UBE2R2: variants seen among roughly 807,000 people sequenced by gnomAD.
The protein encoded by UBE2R2 is ubiquitin conjugating enzyme E2 R2.
Under a neutral mutation model 27.8 loss-of-function variants are expected in UBE2R2, and 1 was observed. The ratio of observed to expected loss-of-function variants is 0.04; its 90% confidence interval spans 0.01 to 0.17. The LOEUF (loss-of-function observed/expected upper bound fraction) is 0.17, where lower values mean the gene tolerates loss of function less well. Among genes scored for constraint, UBE2R2 ranks in the 10% least tolerant of loss-of-function variants. UBE2R2 has a pLI of 1.00. For synonymous variants in UBE2R2, 106 were observed against 113.3 expected, an observed-to-expected ratio of 0.94 and a Z score of 0.41; for missense variants, 100 against 291.0, an observed-to-expected ratio of 0.34 and a Z score of 4.78.
rs1391737688 is a variant in UBE2R2 at position 33,919,237 on chromosome 9, A to C, written c.*2000A>C. 1 of 152,214 alleles carries C rather than the reference A, an allele frequency of 6.6e-6. No individual in the cohort carries two copies. The highest frequency in any genetic ancestry group is 1.5e-5 in the Non-Finnish European group (1 of 68,040). The allele number at this position is 152,214 out of a possible 1,614,324, so 9.4% of individuals were successfully genotyped here. ...CCCATACTTTGTAAGTAATGCTTCC[A>C]GATTAACCTGCAAATCTTGTGGAGC... On this transcript the variant is annotated 3_prime_UTR_variant, in exon 5 of 5. Coordinates refer to ENST00000263228, the MANE Select transcript of UBE2R2 (RefSeq NM_017811.4).
chr9:33,831,094 A>G (rs1005864002), intron 1 of UBE2R2: 1 of 143,886 alleles, frequency 6.9e-6, no homozygotes, highest in Non-Finnish European at 1.5e-5. Context: ...AAAAAAAAAA[A>G]AAAGAATAGG....
intron 1 of UBE2R2, among the ~76,000 whole-genome samples, chr9:33,844,504 G>A (rs1406994006): frequency 1.4e-5 from 2 of 138,718 alleles, no homozygotes; most frequent in Non-Finnish European, 1.5e-5. Flanking sequence ...ACGCCTAGCT[G>A]TCCCACATCT....
rs530761674 is a variant in UBE2R2, at chr9:33,865,445, C to G, written c.178-21436C>G. 3.9e-5 allele frequency among the ~76,000 whole-genome samples: 6 copies of G among 152,264 alleles called. No homozygotes were observed. The South Asian group carries it at 1.2e-3, about 32-fold the overall frequency. ...TCTCCTGACCTCGTGATCTGCCTGCCTTGGCCTCCCAAAGTGCTGGGATTA... is the reference window on the plus strand; with the variant it reads ...TCTCCTGACCTCGTGATCTGCCTGCGTTGGCCTCCCAAAGTGCTGGGATTA... On this transcript the variant is annotated intron_variant, in intron 1 of 4. Coordinates refer to ENST00000263228, the MANE Select transcript of UBE2R2 (RefSeq NM_017811.4).
intron 4 of UBE2R2, among the ~76,000 whole-genome samples, 175 bp downstream of exon 4, chr9:33,912,273 G>A (rs928088710): frequency 5.3e-5 from 8 of 152,072 alleles, no homozygotes; most frequent in Non-Finnish European, 8.8e-5. Context: ...GCTGTTTACC[G>A]AGAGAACAGC....
intron 1 of UBE2R2, among the ~76,000 whole-genome samples, chr9:33,829,797 T>TG (rs1161752703): frequency 6.7e-6 from 1 of 149,810 alleles, no homozygotes; most frequent in Non-Finnish European, 1.5e-5. Context: ...GCAATCGTTT[T>TG]TTTTTTTTTT....
At chr9:33,831,369 A>G (rs979425748) in intron 1 of UBE2R2, among the ~76,000 whole-genome samples, 2 of 152,204 alleles carry the variant, frequency 1.3e-5, no homozygotes, top group African/African-American at 4.8e-5. Flanking sequence ...AGGCAAAACA[A>G]AAGAGTTTTG....
rs969243793 is a variant in UBE2R2 at position 33,817,209 on chromosome 9, C to T, written c.-549C>T. 6.6e-6 allele frequency among the ~76,000 whole-genome samples: 1 copy of T among 150,396 alleles called. No homozygotes were observed. The highest frequency in any genetic ancestry group is 6.6e-5 in the Admixed American group (1 of 15,168). On this transcript the variant is annotated 5_prime_UTR_variant, in exon 1 of 5. Coordinates refer to ENST00000263228, the MANE Select transcript of UBE2R2 (RefSeq NM_017811.4). ...GGCGCGAGGCGCTCTCGCTCTCCTC[C>T]TCCTCCGCCGTCGCCCCTCCCCCCG...
intron 1 of UBE2R2, chr9:33,818,529 TAAA>T (rs548358025): frequency 0.034 from 3,350 of 98,642 alleles, 64 homozygotes; most frequent in Non-Finnish European, 0.044. Context: ...CTAGGGGTGG[TAAA>T]AAAAAAAAAA....
At chr9:33,882,310 G>T (rs1304248013) in intron 1 of UBE2R2, among the ~76,000 whole-genome samples, 1 of 152,072 alleles carries the variant, frequency 6.6e-6, no homozygotes, top group African/African-American at 2.4e-5. Context: ...CTTTTGAGAT[G>T]GAGTCTCATT....
intron 1 of UBE2R2, among the ~76,000 whole-genome samples, chr9:33,852,999 C>G (rs1357705101): frequency 1.3e-5 from 2 of 151,030 alleles, no homozygotes; most frequent in Admixed American, 6.6e-5. Context: ...CAGAGCAAGA[C>G]TCTGTCTCAA....
intron 4 of UBE2R2, 133 bp downstream of exon 4, chr9:33,912,231 G>A (rs1822508990): frequency 2.4e-6 from 2 of 836,232 alleles, no homozygotes; most frequent in Non-Finnish European, 3.6e-6. Context: ...AGTGTGGGAA[G>A]AGAAGATTTC....
At chr9:33,833,151 G>A (rs1194128453) in intron 1 of UBE2R2, among the ~76,000 whole-genome samples, 1 of 152,090 alleles carries the variant, frequency 6.6e-6, no homozygotes, top group African/African-American at 2.4e-5. Context: ...TGAAACCTCC[G>A]CCTCCTGGGT....
intron 1 of UBE2R2, among the ~76,000 whole-genome samples, chr9:33,842,700 A>G (rs1820755798): frequency 6.6e-6 from 1 of 151,698 alleles, no homozygotes; most frequent in Admixed American, 6.6e-5. Flanking sequence ...ATTCTGTTAG[A>G]TTCTTCTCTT....
intron 1 of UBE2R2, among the ~76,000 whole-genome samples, chr9:33,857,188 G>C (rs2130761832): frequency 6.6e-6 from 1 of 151,414 alleles, no homozygotes; most frequent in South Asian, 2.1e-4. Flanking sequence ...GAGCCACCCT[G>C]CCTGGCCCCT....
chr9:33,843,031 AAAAC>A (rs1451051860), intron 1 of UBE2R2, among the ~76,000 whole-genome samples: 3 of 147,920 alleles, frequency 2.0e-5, no homozygotes, highest in Non-Finnish European at 4.5e-5. Flanking sequence ...CAAAAAAAAA[AAAAC>A]AGACCACTTT....
intron 1 of UBE2R2, among the ~76,000 whole-genome samples, chr9:33,844,289 T>C (rs1045089250): frequency 3.9e-5 from 6 of 151,992 alleles, no homozygotes; most frequent in African/African-American, 1.4e-4. Context: ...ACTGCAACCT[T>C]CGCCTCCCGG....
chr9:33,818,305 G>A (rs1015796264), intron 1 of UBE2R2, among the ~76,000 whole-genome samples: 4 of 149,196 alleles, frequency 2.7e-5, no homozygotes, highest in Non-Finnish European at 4.5e-5. Context: ...TCCCTGCGCA[G>A]GCTGGAACTG....
Position 33,917,043 on chromosome 9 carries a change from G to A in UBE2R2, c.523G>A (p.Glu175Lys), listed in dbSNP as rs773893146. 6.2e-7 allele frequency: 1 copy of A among 1,614,212 alleles called. No homozygotes were observed. Among genetic ancestry groups the A allele is most frequent in the Non-Finnish European group, 8.5e-7 (1 of 1,180,038 alleles). The change falls in exon 5 of 5, where the codon GAA (glutamate) becomes AAA (lysine). Residue 175 changes from glutamate to lysine, a missense_variant. Transcript: ENST00000263228. Reference protein sequence around the residue: ...IRKQVSATKAEAEKDGVKVPT... With the variant: ...IRKQVSATKAKAEKDGVKVPT... ...GAAACAAGTTTCAGCCACTAAGGCC[G>A]AAGCAGAAAAGGATGGAGTGAAGGT...
chr9:33,884,198 A>ATCTCTCCCTCTCTCTCTCTCTC, intron 1 of UBE2R2, among the ~76,000 whole-genome samples: 1 of 63,476 alleles, frequency 1.6e-5, no homozygotes, highest in Admixed American at 2.2e-4. Context: ...CAACTTAAGA[A>ATCTCTCCCTCTCTCTCTCTCTC]TCTCTCTCTC....
Sources: allele counts gnomAD v4.1 joint callset (sites outside exome capture counted in the v4.1 genomes callset), GRCh38; gene constraint gnomAD v4.1.1; transcripts MANE v1.5; gene names NCBI Gene and HGNC (gene_info 2026-07-23, HGNC 2026-07-21).